The following GPHN variants were observed in gnomAD, a reference collection of about 807,000 sequenced individuals.
GPHN encodes gephyrin.
Under a neutral mutation model 95.5 loss-of-function variants are expected in GPHN, and 17 were observed. The observed-to-expected ratio is 0.18, with a 90% CI of 0.12 to 0.27. The LOEUF is 0.27. Ranked by LOEUF, GPHN falls within the 10% of genes least tolerant of loss-of-function variation. GPHN has a pLI of 1.00. For missense variants in GPHN, 660 were observed against 978.1 expected (o/e 0.67, Z 4.34); for synonymous variants, 320 against 322.5 (o/e 0.99, Z 0.08).
chr14:67,149,858 A>T (rs2081145998), intron 18 of GPHN, among the ~76,000 whole-genome samples: 1 of 152,196 alleles, frequency 6.6e-6, no homozygotes, highest in South Asian at 2.1e-4. Context: ...CACATTCATT[A>T]ACATGACCCA....
intron 2 of GPHN, among the ~76,000 whole-genome samples, chr14:66,694,605 C>G (rs1476040296): frequency 6.6e-6 from 1 of 152,074 alleles, no homozygotes; most frequent in Admixed American, 6.5e-5. Context: ...AAACACAAAA[C>G]TATAAAACTG....
chr14:67,385,284 G>A, the GPHN span: 2 of 152,142 alleles, frequency 1.3e-5, no homozygotes, highest in Admixed American at 1.3e-4. Flanking sequence ...TGGCAAAGAA[G>A]TAAGTTTATC....
At chr14:67,524,295 A>C in the GPHN span, among the ~76,000 whole-genome samples, 2 of 152,158 alleles carry the variant, frequency 1.3e-5, no homozygotes, top group Non-Finnish European at 2.9e-5. Context: ...CTAGGAAGAC[A>C]CTGGGCCCAC....
intron 1 of GPHN, among the ~76,000 whole-genome samples, chr14:66,630,741 A>C (rs1595326994): frequency 1.3e-5 from 2 of 151,812 alleles, no homozygotes; most frequent in Non-Finnish European, 2.9e-5. Flanking sequence ...CAAAGTGCTG[A>C]GATTACAGGC....
chr14:67,586,978 G>A, the GPHN span: 10 of 1,534,884 alleles, frequency 6.5e-6, no homozygotes, highest in African/African-American at 1.4e-5. Flanking sequence ...TAAATAAACT[G>A]AGGCCCAGGA....
chr14:67,360,241 C>G, the GPHN span: 1 of 399,530 alleles, frequency 2.5e-6, no homozygotes, highest in Non-Finnish European at 4.4e-6. Flanking sequence ...TACATTCGTC[C>G]TTGTTCTCGG....
At chr14:66,897,369 TG>T (rs1405117274) in intron 5 of GPHN, among the ~76,000 whole-genome samples, 1 of 152,128 alleles carries the variant, frequency 6.6e-6, no homozygotes, top group Non-Finnish European at 1.5e-5. Flanking sequence ...GTGCAATTGC[TG>T]GATCATATGA....
chr14:67,531,064 C>T, the GPHN span, among the ~76,000 whole-genome samples: 5 of 152,194 alleles, frequency 3.3e-5, no homozygotes, highest in Non-Finnish European at 7.3e-5. Flanking sequence ...TTCTTCCCAT[C>T]TCTCTGTTCC....
intron 4 of GPHN, among the ~76,000 whole-genome samples, chr14:66,873,415 T>C (rs1419593900): frequency 6.6e-6 from 1 of 152,086 alleles, no homozygotes; most frequent in African/African-American, 2.4e-5. Context: ...TGAGACAAAC[T>C]GTTAACTCCC....
the GPHN span, among the ~76,000 whole-genome samples, chr14:67,534,490 T>C: frequency 2.6e-5 from 4 of 152,050 alleles, no homozygotes; most frequent in African/African-American, 7.2e-5. Context: ...GGGAGGCTGA[T>C]GATCCTGTCT....
At chr14:67,364,662 A>G in the GPHN span, 1 of 1,187,966 alleles carries the variant, frequency 8.4e-7, no homozygotes, top group Non-Finnish European at 1.2e-6. Flanking sequence ...ACTAATAACT[A>G]TTTTTTTCTT....
At chr14:66,940,034 C>G (rs1423308490) in intron 8 of GPHN, among the ~76,000 whole-genome samples, 1 of 152,046 alleles carries the variant, frequency 6.6e-6, no homozygotes, top group East Asian at 1.9e-4. Flanking sequence ...AAAGCTTGAC[C>G]GGTAAGAAAA....
chr14:67,188,923 TCAAA>T, the GPHN span, among the ~76,000 whole-genome samples: 1 of 152,040 alleles, frequency 6.6e-6, no homozygotes, highest in Non-Finnish European at 1.5e-5. Context: ...ACTCTTGGGC[TCAAA>T]CAATCCTCCT....
At chr14:67,113,475 A>G (rs770349975) in intron 16 of GPHN, among the ~76,000 whole-genome samples, 62 of 152,218 alleles carry the variant, frequency 4.1e-4, no homozygotes, top group Non-Finnish European at 8.8e-5. Flanking sequence ...GCTGCTAGCT[A>G]TAGATATTAA....
rs189768054 is a variant in GPHN at position 67,034,631 on chromosome 14, A to G, written c.1006+10956A>G. 5.3e-5 allele frequency among the ~76,000 whole-genome samples: 8 copies of G among 152,246 alleles called. No homozygotes were observed. The East Asian group carries it at 1.5e-3, about 29-fold the overall frequency. On this transcript the variant is annotated intron_variant, in intron 10 of 22. Transcript: ENST00000478722. ...TTCATGCAAATTATAATCAAAAGAG[A>G]GCAGTGGTGGCCATAGTTATATCAG...
At chr14:66,611,295 A>G (rs1328079743) in intron 1 of GPHN, among the ~76,000 whole-genome samples, 1 of 152,134 alleles carries the variant, frequency 6.6e-6, no homozygotes, top group African/African-American at 2.4e-5. Context: ...CATACAAAGC[A>G]TTATTTTCAA....
chr14:67,296,287 A>C, the GPHN span, among the ~76,000 whole-genome samples: 1 of 152,194 alleles, frequency 6.6e-6, no homozygotes. Context: ...CTAAGTAAGC[A>C]TAGGACTTAA....
chr14:67,031,771 C>G (rs1176891641), intron 10 of GPHN, among the ~76,000 whole-genome samples: 1 of 152,050 alleles, frequency 6.6e-6, no homozygotes, highest in Non-Finnish European at 1.5e-5. Flanking sequence ...TCCCAAAGTA[C>G]TATTCGCTAT....
chr14:67,559,602 T>A, the GPHN span: 1 of 1,580,614 alleles, frequency 6.3e-7, no homozygotes, highest in Non-Finnish European at 8.6e-7. Flanking sequence ...CCTCTCTTTC[T>A]TGCAGAAGCA....
Sources: allele counts gnomAD v4.1 joint callset (sites outside exome capture counted in the v4.1 genomes callset), GRCh38; gene constraint gnomAD v4.1.1; transcripts MANE v1.5; gene names NCBI Gene and HGNC (gene_info 2026-07-23, HGNC 2026-07-21).